CRYBA4: variants seen among roughly 807,000 people sequenced by gnomAD.
The protein encoded by CRYBA4 is crystallin beta A4.
CRYBA4 carries 30 observed loss-of-function variants against 31.7 expected under a neutral mutation model. The observed-to-expected ratio is 0.95, with a 90% CI of 0.71 to 1.28. CRYBA4 has a LOEUF of 1.28. Among genes scored for constraint, CRYBA4 ranks in the 50% most tolerant of loss-of-function variants. The probability of loss-of-function intolerance (pLI) is 0.00; values close to 1 mark genes in which losing one functional copy is unlikely to be tolerated. For synonymous variants in CRYBA4, 102 were observed against 102.3 expected (o/e 1.00, Z 0.02); for missense variants, 225 against 260.7 (o/e 0.86, Z 0.94).
intron 5 of CRYBA4, among the ~76,000 whole-genome samples, chr22:26,629,753 A>G (rs115190708): frequency 0.21 from 31,948 of 148,710 alleles, 4,636 homozygotes; most frequent in East Asian, 0.39. Context: ...AAAAAAAAAA[A>G]AAATCAATGA....
At chr22:26,627,400 C>CTT (rs1929754549) in intron 4 of CRYBA4, among the ~76,000 whole-genome samples, 2 of 78,562 alleles carry the variant, frequency 2.5e-5, no homozygotes, top group African/African-American at 1.6e-4. Flanking sequence ...TTCTTTCTTT[C>CTT]TTTCTTTCTT....
At chr22:26,605,924 A>C in the CRYBA4 span, among the ~76,000 whole-genome samples, 1 of 152,112 alleles carries the variant, frequency 6.6e-6, no homozygotes, top group African/African-American at 2.4e-5. Flanking sequence ...AGCTTATTTA[A>C]CCTGCGGCCT....
the CRYBA4 span, among the ~76,000 whole-genome samples, chr22:26,600,589 G>C: frequency 1.1e-4 from 16 of 152,160 alleles, no homozygotes; most frequent in Non-Finnish European, 2.4e-4. Context: ...GGATGATAAT[G>C]CACCCACCTC....
chr22:26,619,488 C>T (rs1446259705), upstream of CRYBA4, among the ~76,000 whole-genome samples: 1 of 152,192 alleles, frequency 6.6e-6, no homozygotes, highest in Non-Finnish European at 1.5e-5. Context: ...CACCTGCAGT[C>T]GGCTCCCCAG....
chr22:26,593,203 A>G, the CRYBA4 span, among the ~76,000 whole-genome samples: 2 of 152,178 alleles, frequency 1.3e-5, no homozygotes, highest in African/African-American at 4.8e-5. Context: ...TCTAGGCAAA[A>G]CCCAGTACTT....
the CRYBA4 span, among the ~76,000 whole-genome samples, chr22:26,603,136 A>C: frequency 9.5e-5 from 14 of 146,912 alleles, no homozygotes; most frequent in South Asian, 2.4e-4. Context: ...AAAAAAAAAA[A>C]AAAAAAAACA....
chr22:26,609,335 C>G, the CRYBA4 span, among the ~76,000 whole-genome samples: 4 of 152,034 alleles, frequency 2.6e-5, no homozygotes, highest in African/African-American at 4.8e-5. Flanking sequence ...TTTGCCTCAG[C>G]CCTGTCTGGT....
In CRYBA4 at chr22:26,630,543, G is replaced by A; in HGVS notation, c.*56G>A. 2.7e-6 allele frequency: 4 copies of A among 1,506,716 alleles called. No individual in the cohort carries two copies. Among genetic ancestry groups the A allele is most frequent in the African/African-American group, 1.4e-5 (1 of 73,340 alleles). The allele number at this position is 1,506,716 out of a possible 1,614,324, so 93.3% of individuals were successfully genotyped here. A position where few individuals can be genotyped will look rare whatever the true frequency, so the allele number is the denominator to read the frequency against. On this transcript the variant is annotated 3_prime_UTR_variant, in exon 6 of 6. Coordinates refer to ENST00000354760, the MANE Select transcript of CRYBA4 (RefSeq NM_001886.3). ...TGCTTATCTGCAATGGAGGCGCTCT[G>A]GAGGCTGTGGTGTGTTCTCTCCTTC...
At chr22:26,622,102 C>T (rs867329627) in intron 1 of CRYBA4, 116 bp downstream of exon 1, 7 of 386,788 alleles carry the variant, frequency 1.8e-5, no homozygotes, top group Middle Eastern at 1.3e-3. Context: ...GAATGCCATC[C>T]TCATCCTAAC....
the CRYBA4 span, among the ~76,000 whole-genome samples, chr22:26,593,270 A>C: frequency 7.9e-5 from 12 of 152,244 alleles, no homozygotes; most frequent in Non-Finnish European, 1.6e-4. Flanking sequence ...GAATAGATGT[A>C]GCATAATACA....
chr22:26,612,227 A>AG, the CRYBA4 span: 8 of 1,415,528 alleles, frequency 5.7e-6, no homozygotes, highest in South Asian at 8.0e-5. Context: ...GGGCAGAGTG[A>AG]GGGGGGAGTC....
the CRYBA4 span, among the ~76,000 whole-genome samples, chr22:26,611,466 TTTG>T: frequency 8.1e-5 from 11 of 136,344 alleles, no homozygotes; most frequent in African/African-American, 2.5e-4. Context: ...TTTTTTTTTT[TTTG>T]TTTTTTTTTT....
the CRYBA4 span, among the ~76,000 whole-genome samples, chr22:26,609,402 G>GTGGA: frequency 1.3e-5 from 2 of 152,074 alleles, no homozygotes; most frequent in African/African-American, 4.8e-5. Context: ...AGATGAATGG[G>GTGGA]TGGATGGATG....
At chr22:26,616,929 C>T in the CRYBA4 span, among the ~76,000 whole-genome samples, 18 of 152,318 alleles carry the variant, frequency 1.2e-4, no homozygotes, top group African/African-American at 3.4e-4. Context: ...AGTATTCTGC[C>T]ATTTGCTTAA....
At chr22:26,624,319 A>G (rs987345380) in intron 3 of CRYBA4, among the ~76,000 whole-genome samples, 9 of 152,222 alleles carry the variant, frequency 5.9e-5, no homozygotes, top group African/African-American at 2.2e-4. Flanking sequence ...AGTAGCTTCC[A>G]TATTGGATAG....
At chr22:26,603,080 G>A in the CRYBA4 span, among the ~76,000 whole-genome samples, 4 of 146,156 alleles carry the variant, frequency 2.7e-5, no homozygotes, top group African/African-American at 7.7e-5. Context: ...AGCCGAGATC[G>A]TGCCACTTGC....
chr22:26,611,938 G>A, the CRYBA4 span: 48 of 745,700 alleles, frequency 6.4e-5, no homozygotes, highest in Non-Finnish European at 7.6e-5. Flanking sequence ...TTTGATATGA[G>A]GATTGGACAT....
At chr22:26,614,094 G>T in the CRYBA4 span, among the ~76,000 whole-genome samples, 1 of 152,144 alleles carries the variant, frequency 6.6e-6, no homozygotes, top group African/African-American at 2.4e-5. Flanking sequence ...CTCCTGATAA[G>T]ATGTTATCAA....
chr22:26,627,440 TTC>T (rs1172608378), intron 4 of CRYBA4, among the ~76,000 whole-genome samples: 4 of 115,098 alleles, frequency 3.5e-5, no homozygotes, highest in East Asian at 6.3e-4. Context: ...CTTTCTTTCT[TTC>T]TTTCCTTCTT....
Sources: gnomAD v4.1 joint callset for allele counts (sites outside exome capture counted in the v4.1 genomes callset) on GRCh38, gnomAD v4.1.1 for gene constraint, MANE v1.5 for transcripts, NCBI Gene and HGNC (gene_info 2026-07-23, HGNC 2026-07-21) for gene names.